The following BRWD1 variants were observed in gnomAD, a reference collection of about 807,000 sequenced individuals.
BRWD1 encodes bromodomain and WD repeat domain containing 1.
BRWD1 carries 82 observed loss-of-function variants against 251.2 expected under a neutral mutation model. The ratio of observed to expected loss-of-function variants is 0.33; its 90% CI spans 0.27 to 0.39. The LOEUF (loss-of-function observed/expected upper bound fraction) is 0.39, where lower values mean the gene tolerates loss of function less well. Among genes scored for constraint, BRWD1 ranks in the 10% least tolerant of loss-of-function variants. The pLI is 1.00. For missense variants in BRWD1, 2,233 were observed against 2,711.6 expected (o/e 0.82, Z 3.92); for synonymous variants, 918 against 902.8 (o/e 1.02, Z -0.30).
chr21:39,245,057 AG>A (rs1387741330), intron 21 of BRWD1, among the ~76,000 whole-genome samples: 2 of 151,492 alleles, frequency 1.3e-5, no homozygotes, highest in African/African-American at 4.8e-5. Context: ...CAAAAAAAAA[AG>A]AATGTAAAAA....
chr21:39,319,705 T>C (rs890648375), intron 1 of BRWD1, among the ~76,000 whole-genome samples: 26 of 152,200 alleles, frequency 1.7e-4, no homozygotes, highest in African/African-American at 6.3e-4. Flanking sequence ...TGAAGCTCGC[T>C]GAACAATGCC....
At chr21:39,288,767 C>T (rs1344569174) in intron 8 of BRWD1, among the ~76,000 whole-genome samples, 1 of 152,112 alleles carries the variant, frequency 6.6e-6, no homozygotes, top group Non-Finnish European at 1.5e-5. Context: ...AATATATTTA[C>T]TATTAAGTAG....
chr21:39,315,056 G>A (rs2036671584), upstream of BRWD1: 1 of 152,150 alleles, frequency 6.6e-6, no homozygotes, highest in East Asian at 1.9e-4. Context: ...GAGTGCAGTG[G>A]CGCGATCTCA....
At chr21:39,223,904 G>A (rs2033279069) in intron 29 of BRWD1, among the ~76,000 whole-genome samples, 1 of 152,188 alleles carries the variant, frequency 6.6e-6, no homozygotes, top group Admixed American at 6.5e-5. Flanking sequence ...CTGGAGTGCA[G>A]TAGCCGCAAT....
At chr21:39,301,981 T>TTG (rs1359318882) in intron 4 of BRWD1, among the ~76,000 whole-genome samples, 4 of 124,684 alleles carry the variant, frequency 3.2e-5, no homozygotes, top group Admixed American at 8.1e-5. Context: ...TTTGTGTGTT[T>TTG]TTTTTTTTTT....
rs532492301 is a variant in BRWD1, at chr21:39,252,845, C to T, written c.2256-1956G>A. 4.6e-5 allele frequency among the ~76,000 whole-genome samples: 7 copies of T among 152,298 alleles called. 1 individual carries two copies. The South Asian group carries it at 1.4e-3, about 32-fold the overall frequency. ...AGTTATAAGCAGAAATGCCACATGG[C>T]TACTTAAAGTAAGTTCCTTTGACTA... On this transcript the variant is annotated intron_variant, in intron 19 of 40. Coordinates refer to ENST00000342449, the MANE Select transcript of BRWD1 (RefSeq NM_033656.4).
chr21:39,257,505 A>C (rs2034597391), intron 18 of BRWD1, among the ~76,000 whole-genome samples: 2 of 152,160 alleles, frequency 1.3e-5, no homozygotes, highest in African/African-American at 2.4e-5. Context: ...TAAAAGACAT[A>C]ATCCTAAAAT....
chr21:39,297,599 C>T (rs1424513989), intron 5 of BRWD1: 2 of 247,192 alleles, frequency 8.1e-6, no homozygotes, highest in Non-Finnish European at 1.3e-5. Context: ...TGATTAGTGC[C>T]ACAGGGTGAC....
At position 39,264,598 on chromosome 21, in the gene BRWD1, C is replaced by T. The variant is rs902339379; in HGVS notation, c.1747G>A (p.Ala583Thr). ...NYVLDEQTQQ[A>T]PHLMPPPFLV... ...AATGGTGGAGGCATAAGATGAGGAG[C>T]CTGCTGAGTTTGCTCATCTAAGACA... is the stretch of plus-strand genomic sequence containing the variant. The change falls in exon 17 of 41, where the codon GCT (alanine) becomes ACT (threonine). Residue 583 changes from alanine (A) to threonine (T), a missense_variant. Physicochemically the swap from Ala to Thr is moderately conservative, Grantham distance 58. Coordinates refer to ENST00000342449, the MANE Select transcript of BRWD1 (RefSeq NM_033656.4). 71 of 1,613,088 alleles carry T rather than the reference C, an allele frequency of 4.4e-5. No homozygotes were observed. The highest frequency in any genetic ancestry group is 6.0e-5 in the Non-Finnish European group (71 of 1,179,528).
chr21:39,247,636 A>G, intron 21 of BRWD1, 65 bp downstream of exon 21: 1 of 1,475,878 alleles, frequency 6.8e-7, no homozygotes, highest in South Asian at 1.4e-5. Context: ...ATATTCATTC[A>G]AAGTAAAGAA....
chr21:39,220,992 T>C (rs1450028120), intron 29 of BRWD1, among the ~76,000 whole-genome samples: 1 of 151,770 alleles, frequency 6.6e-6, no homozygotes, highest in Non-Finnish European at 1.5e-5. Flanking sequence ...CTATCTCTAC[T>C]AAAAATACAA....
chr21:39,320,959 G>C (rs1043048495), intron 1 of BRWD1: 9 of 151,706 alleles, frequency 5.9e-5, no homozygotes, highest in African/African-American at 2.2e-4. Flanking sequence ...TGAGCCACAT[G>C]CCTGGCCAGA....
chr21:39,208,978 CAAA>C (rs11401609), intron 36 of BRWD1, among the ~76,000 whole-genome samples: 1 of 136,028 alleles, frequency 7.4e-6, no homozygotes, highest in Non-Finnish European at 1.6e-5. Flanking sequence ...TACAAAATGA[CAAA>C]AAAAAAAAAA....
At chr21:39,307,338 G>C (rs2036319301) in intron 4 of BRWD1, among the ~76,000 whole-genome samples, 1 of 152,098 alleles carries the variant, frequency 6.6e-6, no homozygotes, top group Middle Eastern at 3.4e-3. Flanking sequence ...AATTTATTTT[G>C]TAATTTTTTT....
At chr21:39,295,111 T>G (rs34778912) in intron 7 of BRWD1, among the ~76,000 whole-genome samples, 46,322 of 150,910 alleles carry the variant, frequency 0.31, 7,567 homozygotes, top group Middle Eastern at 0.36. Flanking sequence ...ATATATTTAA[T>G]TACAATGTAA....
intron 23 of BRWD1, chr21:39,235,489 T>G (rs2033778754): frequency 6.2e-6 from 1 of 162,456 alleles, no homozygotes; most frequent in Admixed American, 6.2e-5. Flanking sequence ...CAAAAGTTAC[T>G]CCGTTCATAG....
intron 15 of BRWD1, among the ~76,000 whole-genome samples, chr21:39,265,774 GA>G (rs2034900147): frequency 6.6e-6 from 1 of 152,156 alleles, no homozygotes; most frequent in African/African-American, 2.4e-5. Context: ...TTACTAAGAT[GA>G]CTAAGCACCA....
At position 39,236,701 on chromosome 21, in the gene BRWD1, C is replaced by T. The variant is rs752034028; in HGVS notation, c.2660G>A (p.Arg887Gln). 3.7e-6 allele frequency: 6 copies of T among 1,613,870 alleles called. No individual in the cohort carries two copies. Among genetic ancestry groups the T allele is most frequent in the African/African-American group, 2.7e-5 (2 of 74,868 alleles). The change falls in exon 23 of 41, where the codon CGA becomes CAA. Residue 887 changes from arginine (R) to glutamine (Q), a missense_variant. By Grantham distance (43) the Arg-to-Gln change is conservative. Transcript: ENST00000342449. ...QPPLRTSCRR[R>Q]ITRFCSSSED... ...TGAACTACTACAAAATCGAGTAATT[C>T]GTCGACGACATGATGTTCTTAAAGG... is the stretch of plus-strand genomic sequence containing the variant.
intron 4 of BRWD1, among the ~76,000 whole-genome samples, chr21:39,311,464 GTAT>G (rs2036481539): frequency 6.6e-6 from 1 of 152,074 alleles, no homozygotes; most frequent in Non-Finnish European, 1.5e-5. Flanking sequence ...CCCTATAAAT[GTAT>G]TTTAAAAGTA....
Sources: gnomAD v4.1 joint callset for allele counts (sites outside exome capture counted in the v4.1 genomes callset) on GRCh38, gnomAD v4.1.1 for gene constraint, MANE v1.5 for transcripts, NCBI Gene and HGNC (gene_info 2026-07-23, HGNC 2026-07-21) for gene names.